Variants in NGLY1 observed in about 807,000 individuals in gnomAD.
NGLY1 encodes the protein N-glycanase 1, also known as peptide-N(4)-(N-acetyl-beta-glucosaminyl)asparagine amidase.
A neutral mutation model predicts 84.6 loss-of-function variants in NGLY1; 68 were observed. The observed-to-expected ratio is 0.80, with a 90% CI of 0.66 to 0.98. The LOEUF (loss-of-function observed/expected upper bound fraction) is 0.98. NGLY1 is among the 50% of genes least tolerant of loss of function. The pLI is 0.00. For synonymous variants in NGLY1, 280 were observed against 275.2 expected (o/e 1.02, Z -0.17); for missense variants, 779 against 770.2 (o/e 1.01, Z -0.14).
chr3:25,737,544 A>ATTT (rs371935487), intron 5 of NGLY1, 89 bp from the exon 6 acceptor site: 399 of 972,854 alleles, frequency 4.1e-4, no homozygotes, highest in Non-Finnish European at 4.5e-4. Flanking sequence ...GAAATGTTTA[A>ATTT]TTTTTTTTTT....
At chr3:25,787,839 A>G (rs1708638222), upstream of NGLY1, among the ~76,000 whole-genome samples, 2 of 152,168 alleles carry the variant, frequency 1.3e-5, no homozygotes, top group African/African-American at 4.8e-5. Flanking sequence ...CATGGGCCAC[A>G]TATTTAGCTG....
chr3:25,750,900 C>T (rs1028801064), intron 4 of NGLY1, among the ~76,000 whole-genome samples, 198 bp downstream of exon 4: 1 of 152,226 alleles, frequency 6.6e-6, no homozygotes, highest in Middle Eastern at 3.4e-3. Flanking sequence ...CCCTGCAGAA[C>T]CCATGTATAT....
intron 9 of NGLY1, among the ~76,000 whole-genome samples, chr3:25,732,025 C>T (rs1195248014): frequency 1.3e-5 from 2 of 152,042 alleles, no homozygotes; most frequent in African/African-American, 4.8e-5. Context: ...TTAAGCTGTA[C>T]ATTTATAATT....
chr3:25,767,185 G>A (rs181908069), intron 2 of NGLY1, among the ~76,000 whole-genome samples: 40 of 151,906 alleles, frequency 2.6e-4, no homozygotes, highest in African/African-American at 7.0e-4. Context: ...CCAACTACTC[G>A]GGAGGCTGAG....
At chr3:25,722,188 G>C (rs1189887556) in intron 10 of NGLY1, among the ~76,000 whole-genome samples, 4 of 151,182 alleles carry the variant, frequency 2.6e-5, no homozygotes, top group Admixed American at 2.6e-4. Flanking sequence ...CTGCACTCCA[G>C]CCCGGGTGAC....
chr3:25,759,916 A>AC (rs1382953569), intron 3 of NGLY1, among the ~76,000 whole-genome samples: 930 of 63,836 alleles, frequency 0.015, 12 homozygotes, highest in African/African-American at 0.025. Flanking sequence ...TTAGTTAAAA[A>AC]AACACACACA....
At chr3:25,721,748 C>CAA (rs59028606) in intron 10 of NGLY1, among the ~76,000 whole-genome samples, 4 of 50,704 alleles carry the variant, frequency 7.9e-5, no homozygotes, top group African/African-American at 1.8e-4. Flanking sequence ...GACTCCATCT[C>CAA]AAAAAAAAAA....
At chr3:25,787,945 T>C (rs1201416969), upstream of NGLY1, among the ~76,000 whole-genome samples, 1 of 152,226 alleles carries the variant, frequency 6.6e-6, no homozygotes, top group Non-Finnish European at 1.5e-5. Flanking sequence ...CAAACATTCA[T>C]TTCCAAGATG....
At chr3:25,773,880 A>C (rs1450140801) in intron 2 of NGLY1, among the ~76,000 whole-genome samples, 5 of 152,090 alleles carry the variant, frequency 3.3e-5, no homozygotes, top group Admixed American at 2.6e-4. Context: ...AGTGATTGTT[A>C]TTGCTCTTCT....
At chr3:25,760,821 T>C (rs372998895) in intron 3 of NGLY1, among the ~76,000 whole-genome samples, 1,923 of 93,476 alleles carry the variant, frequency 0.021, 37 homozygotes, top group African/African-American at 0.066. Flanking sequence ...GATCACGCCA[T>C]TGCACTCCAG....
chr3:25,786,499 G>A (rs996267134), upstream of NGLY1, among the ~76,000 whole-genome samples: 2 of 152,148 alleles, frequency 1.3e-5, no homozygotes, highest in Non-Finnish European at 2.9e-5. Context: ...ACAACGATGG[G>A]TATAAAAGTT....
chr3:25,770,937 C>A (rs1559555879), intron 2 of NGLY1, among the ~76,000 whole-genome samples: 1 of 152,054 alleles, frequency 6.6e-6, no homozygotes, highest in African/African-American at 2.4e-5. Flanking sequence ...CTTCTAGATT[C>A]TAGATATCAG....
At chr3:25,780,631 T>A (rs1315762831) in intron 1 of NGLY1, among the ~76,000 whole-genome samples, 1 of 152,236 alleles carries the variant, frequency 6.6e-6, no homozygotes. Context: ...GTTTTTGTTT[T>A]GTTTTTTAAA....
intron 2 of NGLY1, among the ~76,000 whole-genome samples, chr3:25,769,950 C>T (rs1298132762): frequency 6.6e-6 from 1 of 152,180 alleles, no homozygotes; most frequent in Non-Finnish European, 1.5e-5. Context: ...CTTTTCCCCT[C>T]TCCAAGTCCC....
intron 6 of NGLY1, chr3:25,736,847 G>GT (rs1451101839): frequency 1.9e-5 from 3 of 159,720 alleles, no homozygotes; most frequent in Non-Finnish European, 4.1e-5. Flanking sequence ...AAATGCCACG[G>GT]TAAATTGCTA....
intron 3 of NGLY1, among the ~76,000 whole-genome samples, chr3:25,763,786 A>G (rs567210208): frequency 6.6e-6 from 1 of 152,328 alleles, no homozygotes; most frequent in South Asian, 2.1e-4. Context: ...AACCTAAAGA[A>G]GCTTTTTTAT....
Position 25,739,594 on chromosome 3 carries a change from G to A in NGLY1, c.864C>T (p.Phe288=). The A allele has an allele frequency of 6.2e-7, 1 of 1,614,046 alleles. No homozygotes were observed. The highest frequency in any genetic ancestry group is 8.5e-7 in the Non-Finnish European group (1 of 1,179,970). The change falls in exon 5 of 12, where the codon TTC becomes TTT. Residue 288 remains phenylalanine, a synonymous_variant. Coordinates refer to ENST00000280700, the MANE Select transcript of NGLY1 (RefSeq NM_018297.4). The part of the protein sequence containing the change: ...VEDHYCDACQ[F]SNRFPRYNNP... ...GCACCCACCTTGGGAATCGATTGCT[G>A]AACTGGCAGGCATCACAGTAATGAT...
chr3:25,783,464 AGCAGCTACC>A (rs1404079475), upstream of NGLY1: 1 of 1,363,404 alleles, frequency 7.3e-7, no homozygotes, highest in African/African-American at 1.5e-5. This position sits in a 1 kb window ranked among gnomAD's most constrained non-coding sequence, Gnocchi z 4.5. Context: ...CTCAGCGCGC[AGCAGCTACC>A]GCAGCCACCG....
intron 3 of NGLY1, among the ~76,000 whole-genome samples, chr3:25,753,436 A>G (rs1706864152): frequency 6.6e-6 from 1 of 152,154 alleles, no homozygotes; most frequent in Non-Finnish European, 1.5e-5. Context: ...TATAGCTTAC[A>G]TAAATTTTTA....
Sources: allele counts gnomAD v4.1 joint callset (sites outside exome capture counted in the v4.1 genomes callset), GRCh38; gene constraint gnomAD v4.1.1; non-coding constraint Gnocchi (gnomAD v3.1); transcripts MANE v1.5; gene names NCBI Gene and HGNC (gene_info 2026-07-23, HGNC 2026-07-21).